Variants in GAS7 observed in about 807,000 individuals in gnomAD.
GAS7 encodes growth arrest-specific protein 7.
In GAS7, 28 loss-of-function variants were observed where a neutral mutation model predicts 71.1. The ratio of observed to expected loss-of-function variants is 0.39; its 90% CI spans 0.29 to 0.54. GAS7 has a LOEUF of 0.54. Among genes scored for constraint, GAS7 ranks in the 20% least tolerant of loss-of-function variants. The probability of loss-of-function intolerance (pLI) is 0.62; values close to 1 mark genes in which losing one functional copy is unlikely to be tolerated. For missense variants in GAS7, 436 were observed against 627.8 expected (o/e 0.69, Z 3.27); for synonymous variants, 258 against 245.8 (o/e 1.05, Z -0.46).
chr17:10,066,918 T>C (rs908192160), intron 1 of GAS7, among the ~76,000 whole-genome samples: 9 of 152,154 alleles, frequency 5.9e-5, no homozygotes, highest in African/African-American at 2.2e-4. Context: ...AGTTGCTTGA[T>C]CTAGCTGGAC....
Position 10,019,789 on chromosome 17 carries a change from T to G in GAS7, c.292A>C (p.Thr98Pro). ...GAGCGGGACTCACCATTGGTGGTCGTGTTGACATAGTACCGCCGGCCCTGA... is the reference window on the plus strand; with the variant it reads ...GAGCGGGACTCACCATTGGTGGTCGGGTTGACATAGTACCGCCGGCCCTGA... ...SPQGRRYYVN[T>P]TTNETTWERP... The change falls in exon 2 of 14, where the codon ACG (threonine) becomes CCG (proline). Residue 98 changes from threonine to proline, a missense_variant. By Grantham distance (38) the Thr-to-Pro change is conservative. Transcript: ENST00000432992. 2.5e-6 allele frequency: 4 copies of G among 1,613,774 alleles called. No individual in the cohort carries two copies. The highest frequency in any genetic ancestry group is 3.4e-6 in the Non-Finnish European group (4 of 1,179,874).
chr17:10,092,501 T>C (rs1320744452), intron 1 of GAS7, among the ~76,000 whole-genome samples: 2 of 152,220 alleles, frequency 1.3e-5, no homozygotes, highest in African/African-American at 4.8e-5. Flanking sequence ...AGATGTTCCC[T>C]AAGGTTCAAA....
intron 1 of GAS7, among the ~76,000 whole-genome samples, chr17:10,132,279 C>A (rs141818561): frequency 1.3e-5 from 2 of 148,966 alleles, no homozygotes; most frequent in Non-Finnish European, 3.0e-5. Flanking sequence ...CTGATCTTTG[C>A]TCAGGTGATG....
chr17:10,194,151 A>T (rs951833338), intron 1 of GAS7, among the ~76,000 whole-genome samples: 5 of 152,206 alleles, frequency 3.3e-5, no homozygotes, highest in African/African-American at 9.7e-5. Context: ...GAAAGAAAGG[A>T]AAAGGCTCTT....
intron 1 of GAS7, among the ~76,000 whole-genome samples, chr17:10,050,245 T>C (rs542814140): frequency 1.3e-5 from 2 of 152,264 alleles, no homozygotes; most frequent in South Asian, 4.2e-4. Flanking sequence ...AGGTAGGGTT[T>C]ATTGTATTAT....
chr17:10,106,147 A>G (rs948647697), intron 1 of GAS7, among the ~76,000 whole-genome samples: 19 of 152,250 alleles, frequency 1.2e-4, no homozygotes, highest in African/African-American at 4.3e-4. Flanking sequence ...TTCTGGTCCC[A>G]AATAGCCTCC....
intron 1 of GAS7, among the ~76,000 whole-genome samples, chr17:10,028,668 A>G (rs1376719677): frequency 1.3e-5 from 2 of 152,036 alleles, no homozygotes; most frequent in Non-Finnish European, 2.9e-5. Context: ...AGAACAAAAC[A>G]AGGCAAGTTG....
rs534343955 is a variant in GAS7 at position 10,108,859 on chromosome 17, G to C, written c.184-88962C>G. 1.4e-4 allele frequency among the ~76,000 whole-genome samples: 22 copies of C among 152,186 alleles called. 1 individual carries two copies. The highest frequency in any genetic ancestry group is 5.1e-4 in the African/African-American group (21 of 41,546). On this transcript the variant is annotated intron_variant, in intron 1 of 13. Coordinates refer to ENST00000432992, the MANE Select transcript of GAS7 (RefSeq NM_201433.2). ...AAGATGGATTAAAGACTTAAACTAA[G>C]GCTCGAAACTATAAAACTACTAGAA...
intron 1 of GAS7, chr17:10,036,671 T>G: frequency 7.3e-7 from 1 of 1,362,976 alleles, no homozygotes; most frequent in Non-Finnish European, 9.4e-7. Context: ...CTACATTGCA[T>G]AGTTCCTTCC....
chr17:10,178,770 A>C (rs2074392589), intron 1 of GAS7, among the ~76,000 whole-genome samples: 1 of 136,714 alleles, frequency 7.3e-6, no homozygotes, highest in Non-Finnish European at 1.5e-5. Flanking sequence ...TTTCAAAGCA[A>C]GAAGTCATCA....
chr17:10,060,075 C>A (rs1285559173), intron 1 of GAS7, among the ~76,000 whole-genome samples: 1 of 152,200 alleles, frequency 6.6e-6, no homozygotes, highest in Non-Finnish European at 1.5e-5. Context: ...GCACATGCTC[C>A]TTCCGGTCTA....
intron 1 of GAS7, among the ~76,000 whole-genome samples, chr17:10,055,348 G>A (rs2073121849): frequency 1.3e-5 from 2 of 152,176 alleles, no homozygotes; most frequent in African/African-American, 2.4e-5. Context: ...GTGCTCTGGG[G>A]CCGCTGGGAA....
intron 1 of GAS7, among the ~76,000 whole-genome samples, chr17:10,180,303 C>T (rs2074404518): frequency 6.9e-6 from 1 of 145,608 alleles, no homozygotes; most frequent in Non-Finnish European, 1.5e-5. Flanking sequence ...ACCACTCCAG[C>T]CTGGAGGGAC....
At chr17:9,923,377 C>CA (rs11316459) in intron 11 of GAS7, among the ~76,000 whole-genome samples, 101 of 144,824 alleles carry the variant, frequency 7.0e-4, no homozygotes, top group East Asian at 1.5e-3. Flanking sequence ...GACAAACAAG[C>CA]AAAAAAAAAA....
intron 1 of GAS7, among the ~76,000 whole-genome samples, chr17:10,177,468 G>A (rs745349739): frequency 5.3e-5 from 8 of 152,004 alleles, no homozygotes; most frequent in Non-Finnish European, 1.2e-4. Flanking sequence ...TGCTGCTGAC[G>A]CCATGTGTGG....
intron 1 of GAS7, among the ~76,000 whole-genome samples, chr17:10,134,542 C>A (rs963732434): frequency 2.0e-5 from 3 of 152,200 alleles, no homozygotes; most frequent in African/African-American, 4.8e-5. Context: ...ATATTCCCCA[C>A]CAACACTGTG....
rs1243761890 is a variant in GAS7 at position 9,969,940 on chromosome 17, A to G, written c.386-178T>C. Reference sequence around the variant, plus strand: ...ATCTGCAGAGCTGGAAATGGGTTGAAGGCATCTCTCTAATCCTCAGCACCC... The same window carrying G: ...ATCTGCAGAGCTGGAAATGGGTTGAGGGCATCTCTCTAATCCTCAGCACCC... On this transcript the variant is annotated intron_variant, in intron 3 of 13. Coordinates refer to ENST00000432992, the MANE Select transcript of GAS7 (RefSeq NM_201433.2). This position sits in a 1 kb window ranked among gnomAD's most constrained non-coding sequence, Gnocchi z 5.5. Among the ~76,000 whole-genome samples the G allele has an allele frequency of 6.6e-6, 1 of 152,188 alleles. No individual in the cohort carries two copies. Among genetic ancestry groups the G allele is most frequent in the Non-Finnish European group, 1.5e-5 (1 of 68,022 alleles).
At chr17:10,174,617 A>G (rs111777830) in intron 1 of GAS7, among the ~76,000 whole-genome samples, 30,619 of 150,408 alleles carry the variant, frequency 0.2, 3,464 homozygotes, top group African/African-American at 0.25. Flanking sequence ...GCGTGAACCC[A>G]GGAGGCGGAG....
chr17:9,955,377 T>A (rs1260415055), intron 5 of GAS7, among the ~76,000 whole-genome samples: 1 of 152,240 alleles, frequency 6.6e-6, no homozygotes, highest in Non-Finnish European at 1.5e-5. Flanking sequence ...TTCACTGCCA[T>A]CCTAAAGATC....
Sources: allele counts gnomAD v4.1 joint callset (sites outside exome capture counted in the v4.1 genomes callset), GRCh38; gene constraint gnomAD v4.1.1; non-coding constraint Gnocchi (gnomAD v3.1); transcripts MANE v1.5; gene names NCBI Gene and HGNC (gene_info 2026-07-23, HGNC 2026-07-21).